PCBP3: variants seen among roughly 807,000 people sequenced by gnomAD.
The protein encoded by PCBP3 is poly(rC) binding protein 3.
PCBP3 carries 25 observed loss-of-function variants against 52.7 expected under a neutral mutation model. That is an observed-to-expected ratio of 0.47 (90% CI 0.35 to 0.66). PCBP3 has a LOEUF of 0.66. Ranked by LOEUF, PCBP3 falls within the 30% of genes least tolerant of loss-of-function variation. The pLI is 0.01. For synonymous variants in PCBP3, 162 were observed against 183.0 expected, an observed-to-expected ratio of 0.89 and a Z score of 0.93; for missense variants, 391 against 490.3, an observed-to-expected ratio of 0.80 and a Z score of 1.91.
intron 1 of PCBP3, among the ~76,000 whole-genome samples, chr21:45,662,430 C>T (rs974087249): frequency 2.0e-5 from 3 of 151,484 alleles, no homozygotes; most frequent in African/African-American, 7.3e-5. Context: ...CCTGCATTTG[C>T]TTTTGAGGTC....
chr21:45,786,767 G>T (rs929575682), intron 4 of PCBP3, among the ~76,000 whole-genome samples: 1 of 152,152 alleles, frequency 6.6e-6, no homozygotes, highest in Non-Finnish European at 1.5e-5. Context: ...CTGCAATTTG[G>T]GGGTGCCTGC....
At chr21:45,884,797 C>T (rs1017718798) in intron 5 of PCBP3, among the ~76,000 whole-genome samples, 1 of 152,248 alleles carries the variant, frequency 6.6e-6, no homozygotes, top group Non-Finnish European at 1.5e-5. Context: ...ACCAATTCTA[C>T]TGCTGTCAAC....
At chr21:45,824,026 G>A (rs2093233136) in intron 4 of PCBP3, among the ~76,000 whole-genome samples, 1 of 152,234 alleles carries the variant, frequency 6.6e-6, no homozygotes, top group Non-Finnish European at 1.5e-5. Context: ...ACAGGCATGA[G>A]CCACTAGGCT....
intron 13 of PCBP3, among the ~76,000 whole-genome samples, chr21:45,920,590 A>G (rs1053790030): frequency 6.6e-6 from 1 of 152,204 alleles, no homozygotes; most frequent in Non-Finnish European, 1.5e-5. Flanking sequence ...AGGTGACAGT[A>G]TTAGAGGGTG....
intron 4 of PCBP3, among the ~76,000 whole-genome samples, chr21:45,803,110 GTC>G (rs1351692296): frequency 2.4e-4 from 36 of 152,196 alleles, no homozygotes; most frequent in Admixed American, 2.4e-3. Flanking sequence ...AAAACAGCCT[GTC>G]TCTGCCTCCA....
intron 4 of PCBP3, among the ~76,000 whole-genome samples, chr21:45,775,367 C>T (rs2090176868): frequency 6.6e-6 from 1 of 151,446 alleles, no homozygotes; most frequent in South Asian, 2.1e-4. Flanking sequence ...ATTTAAATGC[C>T]TCCTTATTCA....
At chr21:45,672,725 G>A (rs1039950365) in intron 2 of PCBP3, among the ~76,000 whole-genome samples, 1 of 152,060 alleles carries the variant, frequency 6.6e-6, no homozygotes, top group Non-Finnish European at 1.5e-5. Context: ...GTACAGTTTA[G>A]CCCTCTCTTC....
chr21:45,682,914 A>G (rs1017887881), intron 2 of PCBP3, among the ~76,000 whole-genome samples: 5 of 152,178 alleles, frequency 3.3e-5, no homozygotes, highest in Non-Finnish European at 7.4e-5. Flanking sequence ...GGAGCTATTT[A>G]GAGTCATGAA....
Position 45,800,996 on chromosome 21 carries a change from G to A in PCBP3, c.-126+45544G>A, listed in dbSNP as rs1405696141. Among the ~76,000 whole-genome samples the A allele has an allele frequency of 6.6e-6, 1 of 152,200 alleles. No individual in the cohort carries two copies. Among genetic ancestry groups the A allele is most frequent in the Middle Eastern group, 3.2e-3 (1 of 316 alleles). ...CCGTTCTGCGTGGCCACCCGTTCTT[G>A]CCAGCATGCCCACTCGCTCTGACCT... On this transcript the variant is annotated intron_variant, in intron 4 of 17. Coordinates refer to ENST00000681687, the MANE Select transcript of PCBP3 (RefSeq NM_001384156.1). This position sits in a 1 kb window ranked among gnomAD's most constrained non-coding sequence, Gnocchi z 5.3.
At chr21:45,726,343 A>G (rs193036617) in intron 2 of PCBP3, among the ~76,000 whole-genome samples, 12 of 152,226 alleles carry the variant, frequency 7.9e-5, no homozygotes, top group African/African-American at 2.9e-4. Context: ...GAGCATGGCT[A>G]TGGACTGGGT....
intron 4 of PCBP3, among the ~76,000 whole-genome samples, chr21:45,833,740 T>C (rs2093511187): frequency 6.6e-6 from 1 of 151,992 alleles, no homozygotes; most frequent in South Asian, 2.1e-4. Flanking sequence ...TCTGGAAGGA[T>C]TGTCTGTTTC....
At chr21:45,709,042 T>G (rs887440449) in intron 2 of PCBP3, among the ~76,000 whole-genome samples, 4 of 152,248 alleles carry the variant, frequency 2.6e-5, no homozygotes, top group Non-Finnish European at 5.9e-5. Context: ...GGACAAATGC[T>G]TAGCCTTTCT....
intron 5 of PCBP3, among the ~76,000 whole-genome samples, chr21:45,875,998 A>G (rs1416019509): frequency 6.6e-6 from 1 of 152,164 alleles, no homozygotes; most frequent in Non-Finnish European, 1.5e-5. Context: ...AACTGAGGAA[A>G]GGTGTGGGGT....
intron 3 of PCBP3, among the ~76,000 whole-genome samples, chr21:45,752,609 A>G (rs1372695620): frequency 6.6e-6 from 1 of 152,014 alleles, no homozygotes; most frequent in Non-Finnish European, 1.5e-5. Context: ...TTTAAAAATC[A>G]TGTAAAAATA....
At chr21:45,764,616 A>G (rs1043272722) in intron 4 of PCBP3, among the ~76,000 whole-genome samples, 10 of 152,180 alleles carry the variant, frequency 6.6e-5, no homozygotes, top group African/African-American at 1.9e-4. Flanking sequence ...CTTGCAGAGA[A>G]GCTTTTGCTG....
intron 5 of PCBP3, among the ~76,000 whole-genome samples, chr21:45,888,037 C>T (rs1281694182): frequency 6.6e-6 from 1 of 152,196 alleles, no homozygotes; most frequent in Non-Finnish European, 1.5e-5. Context: ...AGGGGGCTAA[C>T]GGTTCTCAGG....
At position 45,853,591 on chromosome 21, in the gene PCBP3, T is replaced by G. The variant is rs552822839; in HGVS notation, c.10+3496T>G. ...GTTACTTGGTGTACACCCCTGTGAA[T>G]GGAGAGGGTGTTCCTGTCATGGCTG... On this transcript the variant is annotated intron_variant, in intron 5 of 17. Coordinates refer to ENST00000681687, the MANE Select transcript of PCBP3 (RefSeq NM_001384156.1). The surrounding 1 kb of genome is among the most constrained non-coding windows in gnomAD (Gnocchi z 4.6). 2.0e-5 allele frequency among the ~76,000 whole-genome samples: 3 copies of G among 152,294 alleles called. No homozygotes were observed. Among genetic ancestry groups the G allele is most frequent in the African/African-American group, 7.2e-5 (3 of 41,564 alleles).
intron 5 of PCBP3, among the ~76,000 whole-genome samples, chr21:45,851,576 TGAATG>T (rs2094005355): frequency 2.7e-5 from 4 of 147,880 alleles, no homozygotes; most frequent in African/African-American, 1.0e-4. Context: ...TAGAAAGGAG[TGAATG>T]AGTGAATAAA....
chr21:45,820,113 G>T (rs1162036273), intron 4 of PCBP3, among the ~76,000 whole-genome samples: 1 of 152,262 alleles, frequency 6.6e-6, no homozygotes, highest in Admixed American at 6.5e-5. Context: ...GACCAGCTCA[G>T]ACCTCATCTC....
Sources: allele counts gnomAD v4.1 joint callset (sites outside exome capture counted in the v4.1 genomes callset), GRCh38; gene constraint gnomAD v4.1.1; non-coding constraint Gnocchi (gnomAD v3.1); transcripts MANE v1.5; gene names NCBI Gene and HGNC (gene_info 2026-07-23, HGNC 2026-07-21).